TEPSIN: variants seen among roughly 807,000 people sequenced by gnomAD.
The protein encoded by TEPSIN is AP-4 complex accessory subunit tepsin.
TEPSIN carries 50 observed loss-of-function variants against 48.5 expected under a neutral mutation model. That is an observed-to-expected ratio of 1.03 (90% CI 0.82 to 1.31). The LOEUF is 1.31. Ranked by LOEUF, TEPSIN falls within the 50% of genes most tolerant of loss-of-function variation. The pLI, the probability that TEPSIN is intolerant of heterozygous loss-of-function variation, is 0.00. For missense variants in TEPSIN, 838 were observed against 815.9 expected, an observed-to-expected ratio of 1.03 and a Z score of -0.33; for synonymous variants, 392 against 358.8, an observed-to-expected ratio of 1.09 and a Z score of -1.05.
Position 81,231,582 on chromosome 17 carries a change from T to C in TEPSIN, c.1015A>G (p.Lys339Glu), listed in dbSNP as rs762974072. The change falls in exon 10 of 13, where the codon AAA becomes GAA. Residue 339 changes from lysine (K) to glutamate (E), a missense_variant. Lys to Glu is a moderately conservative substitution (Grantham distance 56). Transcript: ENST00000637944. ...LSREEAQHFI[K>E]ACGLLNCEAV... ...GGCGGGTCCGGGCGCACTCACGCTT[T>C]GATGAAGTGCTGTGCCTCCTCGCGG... 1 of 1,612,074 alleles carries C rather than the reference T, an allele frequency of 6.2e-7. No homozygotes were observed. Among genetic ancestry groups the C allele is most frequent in the Non-Finnish European group, 8.5e-7 (1 of 1,179,310 alleles).
At chr17:81,236,130 G>T (rs1251453213) in intron 4 of TEPSIN, among the ~76,000 whole-genome samples, 2 of 152,228 alleles carry the variant, frequency 1.3e-5, no homozygotes, top group Non-Finnish European at 2.9e-5. Flanking sequence ...GTCCTCATTA[G>T]GCAGAGGCAC....
In TEPSIN at chr17:81,234,132, C is replaced by G; in HGVS notation, c.308-84G>C. ...TGGAGCACGGTGCCCTGGGCCCACT[C>G]CAGGGTGGCAAGTTCCTGCCACCAA... On this transcript the variant is annotated intron_variant, in intron 4 of 12. Coordinates refer to ENST00000637944, the MANE Select transcript of TEPSIN (RefSeq NM_001363764.2). The surrounding 1 kb of genome is among the most constrained non-coding windows in gnomAD (Gnocchi z 5.4). The G allele has an allele frequency of 7.7e-7, 1 of 1,302,076 alleles. No individual in the cohort carries two copies. 80.7% of individuals were successfully genotyped at this position (1,302,076 alleles called of 1,614,324 possible). A position where few individuals can be genotyped will look rare whatever the true frequency, so the allele number is the denominator to read the frequency against.
intron 8 of TEPSIN, 120 bp downstream of exon 8, chr17:81,232,195 C>T (rs770294124): frequency 3.0e-6 from 4 of 1,322,106 alleles, no homozygotes; most frequent in Non-Finnish European, 3.0e-6. Flanking sequence ...GCTTCCGCCG[C>T]GGGTCCCACC....
rs184979807 is a variant in TEPSIN, at chr17:81,232,425, C to T, written c.620G>A (p.Arg207Gln). The T allele has an allele frequency of 1.7e-4, 255 of 1,535,722 alleles. No homozygotes were observed. The highest frequency in any genetic ancestry group is 2.9e-4 in the Admixed American group (15 of 50,976). The stretch of plus-strand genomic sequence containing the variant: ...GGTGTCACCCCGCGGCAGGAGCCTC[C>T]GGGTACTGGGACTCTCGGGCCCGGG... ...MRPGPESPST[R>Q]RLLPRGDTYQ... is the part of the protein sequence containing the mutation. Residue 207 changes from arginine (R) to glutamine (Q), a missense_variant, in exon 8 of 13, where the codon CGG becomes CAG. Physicochemically the swap from Arg to Gln is conservative, Grantham distance 43. Transcript: ENST00000637944.
At position 81,234,648 on chromosome 17, in the gene TEPSIN, G is replaced by A. The variant is rs113165564; in HGVS notation, c.308-600C>T. ...CTCTGTCACAGGCGAATCCACTCAC[G>A]CCCCTCGGCCGTCTACCTCCACCCT... is the stretch of plus-strand genomic sequence containing the variant. On this transcript the variant is annotated intron_variant, in intron 4 of 12. Transcript: ENST00000637944. The surrounding 1 kb of genome is among the most constrained non-coding windows in gnomAD (Gnocchi z 5.4). Among the ~76,000 whole-genome samples the A allele has an allele frequency of 0.017, 2,618 of 152,062 alleles. 80 individuals carry two copies. Among genetic ancestry groups the A allele is most frequent in the African/African-American group, 0.061 (2,510 of 41,456 alleles).
chr17:81,234,299 CGGCAA>C lies in TEPSIN; in HGVS notation c.308-256_308-252del. 2.6e-6 allele frequency: 1 copy of C among 383,460 alleles called. No homozygotes were observed. Among genetic ancestry groups the C allele is most frequent in the Non-Finnish European group, 4.6e-6 (1 of 215,466 alleles). The allele number at this position is 383,460 out of a possible 1,614,324, so 23.8% of individuals were successfully genotyped here. A position where few individuals can be genotyped will look rare whatever the true frequency, so the allele number is the denominator to read the frequency against. ...GCAACCACCTCGTCTCCCCCAGGGT[CGGCAA>C]CCCCTGGTGCCTGAGCGGGTGTGGC... On this transcript the variant is annotated intron_variant, in intron 4 of 12. Transcript: ENST00000637944. The surrounding 1 kb of genome is among the most constrained non-coding windows in gnomAD (Gnocchi z 5.4).
At chr17:81,232,797 T>C in intron 7 of TEPSIN, 1 of 424,330 alleles carries the variant, frequency 2.4e-6, no homozygotes, top group Non-Finnish European at 4.2e-6. Flanking sequence ...CCTAAGGGGC[T>C]TGGGCTTGGC....
rs1238685613 is a variant in TEPSIN, at chr17:81,234,386, C to T, written c.308-338G>A. Among the ~76,000 whole-genome samples the T allele has an allele frequency of 6.6e-6, 1 of 152,116 alleles. No homozygotes were observed. Among genetic ancestry groups the T allele is most frequent in the Non-Finnish European group, 1.5e-5 (1 of 67,988 alleles). ...GCACCAGGGACCCCTCAGAGGCTTC[C>T]GGGGCCTGGAGGGAGAAACCAGCGT... On this transcript the variant is annotated intron_variant, in intron 4 of 12. Transcript: ENST00000637944. This position sits in a 1 kb window ranked among gnomAD's most constrained non-coding sequence, Gnocchi z 5.4.
intron 2 of TEPSIN, 118 bp downstream of exon 2, chr17:81,237,269 A>G: frequency 3.1e-6 from 4 of 1,311,246 alleles, no homozygotes; most frequent in South Asian, 1.3e-5. Context: ...GCCTGGTTAC[A>G]ATAATAAAGG....
chr17:81,238,920 G>A lies in TEPSIN; in HGVS notation c.48+66C>T, dbSNP rs529822206. Reference sequence around the variant, plus strand: ...GGTCAATGGCTCCGGCCCGGGGCGAGTCCGGGGAATGCGGCGCTCGAGAGG... The same window carrying A: ...GGTCAATGGCTCCGGCCCGGGGCGAATCCGGGGAATGCGGCGCTCGAGAGG... On this transcript the variant is annotated intron_variant, in intron 1 of 12. Transcript: ENST00000637944. The A allele has an allele frequency of 1.4e-4, 193 of 1,397,280 alleles. No homozygotes were observed. In the African/African-American group the frequency reaches 2.6e-3, roughly 19 times the overall value. 86.6% of individuals were successfully genotyped at this position (1,397,280 alleles called of 1,614,324 possible).
In TEPSIN at chr17:81,231,603, C is replaced by T. The variant is rs767337646; in HGVS notation, c.994G>A (p.Glu332Lys). 3.7e-6 allele frequency: 6 copies of T among 1,612,798 alleles called. No individual in the cohort carries two copies. Among genetic ancestry groups the T allele is most frequent in the African/African-American group, 1.3e-5 (1 of 74,918 alleles). ...TRGPRAFLSR[E>K]EAQHFIKACG... ...GCTTTGATGAAGTGCTGTGCCTCCT[C>T]GCGGCTCAGGAAGGCGCGTGGTCCC... is the stretch of plus-strand genomic sequence containing the variant. The change falls in exon 10 of 13, where the codon GAG (glutamate) becomes AAG (lysine). Residue 332 changes from glutamate to lysine, a missense_variant. By Grantham distance (56) the Glu-to-Lys change is moderately conservative. Coordinates refer to ENST00000637944, the MANE Select transcript of TEPSIN (RefSeq NM_001363764.2).
Position 81,234,335 on chromosome 17 carries a change from C to A in TEPSIN, c.308-287G>T. On this transcript the variant is annotated intron_variant, in intron 4 of 12. Transcript: ENST00000637944. This position sits in a 1 kb window ranked among gnomAD's most constrained non-coding sequence, Gnocchi z 5.4. Reference sequence around the variant, plus strand: ...GGTGCCTGAGCGGGTGTGGCCTCCCCGAAGCCCACTCTCCCTGCCCCAGGT... The same window carrying A: ...GGTGCCTGAGCGGGTGTGGCCTCCCAGAAGCCCACTCTCCCTGCCCCAGGT... The A allele has an allele frequency of 3.1e-6, 1 of 319,418 alleles. No individual in the cohort carries two copies. The highest frequency in any genetic ancestry group is 5.7e-6 in the Non-Finnish European group (1 of 175,398). 19.8% of individuals were successfully genotyped at this position (319,418 alleles called of 1,614,324 possible).
Position 81,228,627 on chromosome 17 carries a change from G to C in TEPSIN, c.*301C>G, listed in dbSNP as rs1484051650. 2.2e-6 allele frequency: 1 copy of C among 464,766 alleles called. No individual in the cohort carries two copies. Among genetic ancestry groups the C allele is most frequent in the African/African-American group, 2.1e-5 (1 of 48,458 alleles). The allele number at this position is 464,766 out of a possible 1,614,324, so 28.8% of individuals were successfully genotyped here. A position where few individuals can be genotyped will look rare whatever the true frequency, so the allele number is the denominator to read the frequency against. On this transcript the variant is annotated 3_prime_UTR_variant, in exon 13 of 13. Transcript: ENST00000637944. ...TCAAAATGAAATAAGGAACCTGGTAGTCGCTTCCGCATTCATACAAGAAAC... is the reference window on the plus strand; with the variant it reads ...TCAAAATGAAATAAGGAACCTGGTACTCGCTTCCGCATTCATACAAGAAAC...
rs561877296 is a variant in TEPSIN at position 81,236,576 on chromosome 17, G to A, written c.307+132C>T. 179 of 929,330 alleles carry A rather than the reference G, an allele frequency of 1.9e-4. 2 individuals are homozygous for A. The highest frequency in any genetic ancestry group is 1.6e-3 in the South Asian group (103 of 62,952). 57.6% of individuals were successfully genotyped at this position (929,330 alleles called of 1,614,324 possible). On this transcript the variant is annotated intron_variant, in intron 4 of 12. Transcript: ENST00000637944. The stretch of plus-strand genomic sequence containing the variant: ...AGAGATGGGCCAGGATCAGCAAGGC[G>A]GGGCTTTGATCGGGACCCGGCCCAG...
chr17:81,237,470 A>T lies in TEPSIN; in HGVS notation c.49-11T>A. The T allele has an allele frequency of 1.2e-6, 2 of 1,604,946 alleles. No homozygotes were observed. The highest frequency in any genetic ancestry group is 1.7e-6 in the Non-Finnish European group (2 of 1,176,258). ...CAGGAGAATCGGGAGCTGAAAGGGA[A>T]CAAGAGCCCCTACCATGATGAGGTG... On this transcript the variant is annotated splice_polypyrimidine_tract_variant and intron_variant, in intron 1 of 12. Transcript: ENST00000637944.
At chr17:81,235,035 T>A (rs1477540252) in intron 4 of TEPSIN, among the ~76,000 whole-genome samples, 1 of 152,120 alleles carries the variant, frequency 6.6e-6, no homozygotes, top group Non-Finnish European at 1.5e-5. Context: ...AAGATAACCC[T>A]TCTCCAGCCG....
rs2062604919 is a variant in TEPSIN at position 81,231,406 on chromosome 17, T to C, written c.1090A>G (p.Thr364Ala). The C allele has an allele frequency of 2.6e-6, 4 of 1,552,386 alleles. No homozygotes were observed. The highest frequency in any genetic ancestry group is 3.5e-6 in the Non-Finnish European group (4 of 1,148,266). The change falls in exon 11 of 13, where the codon ACG becomes GCG. Residue 364 changes from threonine (T) to alanine (A), a missense_variant. Physicochemically the swap from Thr to Ala is moderately conservative, Grantham distance 58. Coordinates refer to ENST00000637944, the MANE Select transcript of TEPSIN (RefSeq NM_001363764.2). ...CCGCGTGTGCAGCTCACCAGCTGCGTGCATTCACTGGTCCCACGCAGGTGG... is the reference window on the plus strand; with the variant it reads ...CCGCGTGTGCAGCTCACCAGCTGCGCGCATTCACTGGTCCCACGCAGGTGG... Reference protein sequence around the residue: ...TCHLRGTSECTQLRALCAIAS... With the variant: ...TCHLRGTSECAQLRALCAIAS...
At position 81,228,938 on chromosome 17, in the gene TEPSIN, AG is replaced by A; in HGVS notation, c.1771del (p.Leu591Ter). The A allele has an allele frequency of 3.1e-6, 5 of 1,613,498 alleles. No homozygotes were observed. Among genetic ancestry groups the A allele is most frequent in the African/African-American group, 1.3e-5 (1 of 75,058 alleles). The part of the protein sequence containing the change: ...PGSEPSAFAF[L>X]NA ...GGCCAGGCCATCGGGTCAGGCGTTC[AG>A]GAACGCGAAAGCTGACGGCTCTGAG... On this transcript the variant is annotated frameshift_variant, in exon 13 of 13. Coordinates refer to ENST00000637944, the MANE Select transcript of TEPSIN (RefSeq NM_001363764.2). LOFTEE classifies it high-confidence loss of function.
chr17:81,238,689 C>T, intron 1 of TEPSIN: 1 of 1,206,234 alleles, frequency 8.3e-7, no homozygotes. Flanking sequence ...GTCCGCCGCT[C>T]CTTCCCTCCC....
Sources: allele counts gnomAD v4.1 joint callset (sites outside exome capture counted in the v4.1 genomes callset), GRCh38; gene constraint gnomAD v4.1.1; non-coding constraint Gnocchi (gnomAD v3.1); transcripts MANE v1.5; gene names NCBI Gene and HGNC (gene_info 2026-07-23, HGNC 2026-07-21).